NCALD: variants seen among roughly 807,000 people sequenced by gnomAD.
The protein encoded by NCALD is neurocalcin-delta.
NCALD carries 10 observed loss-of-function variants against 18.6 expected under a neutral mutation model. The ratio of observed to expected loss-of-function variants is 0.54; its 90% CI spans 0.33 to 0.91. The LOEUF is 0.91. Among genes scored for constraint, NCALD ranks in the 40% least tolerant of loss-of-function variants. The probability of loss-of-function intolerance (pLI) is 0.03; values close to 1 mark genes in which losing one functional copy is unlikely to be tolerated. For missense variants in NCALD, 184 were observed against 247.6 expected (o/e 0.74, Z 1.72); for synonymous variants, 88 against 87.4 (o/e 1.01, Z -0.04).
intron 2 of NCALD, among the ~76,000 whole-genome samples, chr8:101,947,257 G>A (rs1214826655): frequency 6.6e-6 from 1 of 152,206 alleles, no homozygotes; most frequent in Admixed American, 6.5e-5. Context: ...TTGACTTTCT[G>A]AAGGGCCAAA....
At chr8:101,987,332 G>A (rs549741720) in intron 2 of NCALD, among the ~76,000 whole-genome samples, 1 of 152,266 alleles carries the variant, frequency 6.6e-6, no homozygotes, top group East Asian at 1.9e-4. Context: ...GACCTAAATT[G>A]CCAGACATTT....
chr8:101,893,167 A>G (rs1422462884), intron 3 of NCALD, among the ~76,000 whole-genome samples: 11 of 152,040 alleles, frequency 7.2e-5, no homozygotes, highest in South Asian at 2.1e-4. Flanking sequence ...CGGATCTCTC[A>G]GCAGAAACCC....
intron 2 of NCALD, among the ~76,000 whole-genome samples, chr8:102,008,297 C>T (rs1467988432): frequency 1.3e-5 from 2 of 152,096 alleles, no homozygotes; most frequent in African/African-American, 2.4e-5. Context: ...CGTTCCCATA[C>T]TCATACTTGG....
intron 2 of NCALD, among the ~76,000 whole-genome samples, chr8:101,712,989 C>CCACAT (rs1226642170): frequency 1.3e-5 from 2 of 152,124 alleles, no homozygotes; most frequent in Non-Finnish European, 2.9e-5. Flanking sequence ...CTTCTCAGCA[C>CCACAT]CACATCACAC....
chr8:102,000,131 C>A (rs895211957), intron 2 of NCALD, among the ~76,000 whole-genome samples: 1 of 152,112 alleles, frequency 6.6e-6, no homozygotes, highest in South Asian at 2.1e-4. Flanking sequence ...GTTCCCTTTC[C>A]TAGGGATGAC....
intron 1 of NCALD, among the ~76,000 whole-genome samples, chr8:101,764,128 T>G (rs2130854049): frequency 6.6e-6 from 1 of 152,206 alleles, no homozygotes; most frequent in South Asian, 2.1e-4. Context: ...GAATTGGGAC[T>G]GAGTTGAAAA....
intron 2 of NCALD, among the ~76,000 whole-genome samples, chr8:101,985,957 C>CTT (rs1207785261): frequency 2.0e-5 from 3 of 152,148 alleles, no homozygotes; most frequent in African/African-American, 7.2e-5. Context: ...GTATATCACT[C>CTT]GCTTGTTCAA....
chr8:101,992,751 C>T (rs1821095443), intron 2 of NCALD, among the ~76,000 whole-genome samples: 1 of 151,982 alleles, frequency 6.6e-6, no homozygotes, highest in African/African-American at 2.4e-5. Context: ...TGAAAGGCAC[C>T]CCTGGGAGCT....
chr8:101,726,398 C>A (rs1816575439), intron 1 of NCALD, among the ~76,000 whole-genome samples: 2 of 152,022 alleles, frequency 1.3e-5, no homozygotes, highest in South Asian at 4.1e-4. Flanking sequence ...GTGGTGGGAA[C>A]CAGGGTGGTA....
chr8:101,851,349 G>C (rs2131331553), intron 4 of NCALD, among the ~76,000 whole-genome samples: 1 of 152,020 alleles, frequency 6.6e-6, no homozygotes, highest in Non-Finnish European at 1.5e-5. Flanking sequence ...TGTAAAGAGA[G>C]AGGGAAGTGT....
At chr8:101,808,503 A>C (rs1037775163) in intron 4 of NCALD, among the ~76,000 whole-genome samples, 5 of 152,174 alleles carry the variant, frequency 3.3e-5, no homozygotes, top group South Asian at 2.1e-4. Context: ...ATAGATATAG[A>C]ATCTTTAGCT....
At chr8:101,830,556 A>AG (rs1814135811) in intron 4 of NCALD, among the ~76,000 whole-genome samples, 1 of 151,616 alleles carries the variant, frequency 6.6e-6, no homozygotes, top group Non-Finnish European at 1.5e-5. Flanking sequence ...CTCAAAAAAA[A>AG]AAAAGAAAGA....
intron 3 of NCALD, 54 bp downstream of exon 3, chr8:101,692,737 C>T (rs3735718): frequency 0.021 from 31,766 of 1,528,168 alleles, 1,020 homozygotes; most frequent in East Asian, 0.14. Flanking sequence ...CTGGACTCTC[C>T]AGTCCTTCCA....
intron 1 of NCALD, among the ~76,000 whole-genome samples, chr8:101,773,011 T>G (rs1811649386): frequency 6.6e-6 from 1 of 152,192 alleles, no homozygotes; most frequent in Non-Finnish European, 1.5e-5. Flanking sequence ...AGTTGCAATT[T>G]TTTACTTCTG....
At chr8:101,997,534 G>A (rs567307516) in intron 2 of NCALD, among the ~76,000 whole-genome samples, 1 of 152,286 alleles carries the variant, frequency 6.6e-6, no homozygotes, top group South Asian at 2.1e-4. Context: ...TTGATGCAAA[G>A]TACTTCAGAG....
chr8:101,825,836 A>G (rs1455393089), intron 4 of NCALD, among the ~76,000 whole-genome samples: 1 of 152,222 alleles, frequency 6.6e-6, no homozygotes, highest in Non-Finnish European at 1.5e-5. Context: ...AAGCAGCTAT[A>G]GACAATATAT....
At chr8:101,757,728 G>T (rs1810948269) in intron 1 of NCALD, among the ~76,000 whole-genome samples, 1 of 151,742 alleles carries the variant, frequency 6.6e-6, no homozygotes, top group Non-Finnish European at 1.5e-5. Context: ...CTCTATCCCT[G>T]TATTAATTAA....
intron 2 of NCALD, among the ~76,000 whole-genome samples, chr8:102,005,975 T>C (rs1161005840): frequency 7.3e-5 from 11 of 151,718 alleles, no homozygotes; most frequent in East Asian, 3.9e-4. Context: ...CACATGTATA[T>C]ATATGTAACT....
chr8:101,879,700 C>T (rs767648456), intron 4 of NCALD, among the ~76,000 whole-genome samples: 108 of 152,258 alleles, frequency 7.1e-4, no homozygotes, highest in Non-Finnish European at 1.0e-3. Flanking sequence ...CTCATTGGTC[C>T]GTTTTGACAG....
Sources: gnomAD v4.1 joint callset for allele counts (sites outside exome capture counted in the v4.1 genomes callset) on GRCh38, gnomAD v4.1.1 for gene constraint, MANE v1.5 for transcripts, NCBI Gene and HGNC (gene_info 2026-07-23, HGNC 2026-07-21) for gene names.